The following SSTR2 variants were observed in gnomAD, a reference collection of about 807,000 sequenced individuals.
SSTR2 encodes the protein somatostatin receptor 2.
SSTR2 carries 10 observed loss-of-function variants against 21.4 expected under a neutral mutation model. The observed-to-expected ratio is 0.47, with a 90% CI of 0.29 to 0.79. The LOEUF (loss-of-function observed/expected upper bound fraction) is 0.79. SSTR2 is among the 30% of genes least tolerant of loss of function. SSTR2 has a pLI of 0.10. For missense variants in SSTR2, 364 were observed against 468.8 expected (o/e 0.78, Z 2.06); for synonymous variants, 177 against 181.3 (o/e 0.98, Z 0.19).
Position 73,171,531 on chromosome 17 carries a change from A to G in SSTR2, c.*1102A>G, listed in dbSNP as rs1332354268. The stretch of plus-strand genomic sequence containing the variant: ...TAAAATTGTTTTTATTTTTCAGGCC[A>G]GACATAGCTTCCTAATGAAAGAAAA... On this transcript the variant is annotated 3_prime_UTR_variant, in exon 2 of 2. Transcript: ENST00000357585. 2 of 166,926 alleles carry G rather than the reference A, an allele frequency of 1.2e-5. No individual in the cohort carries two copies. Among genetic ancestry groups the G allele is most frequent in the African/African-American group, 4.8e-5 (2 of 41,454 alleles). 10.3% of individuals were successfully genotyped at this position (166,926 alleles called of 1,614,324 possible).
In SSTR2 at chr17:73,169,947, A is replaced by G. The variant is rs1477838272; in HGVS notation, c.628A>G (p.Ile210Val). Residue 210 changes from isoleucine (I) to valine (V), a missense_variant, in exon 2 of 2, where the codon ATC becomes GTC. Ile to Val is a conservative substitution (Grantham distance 29). Transcript: ENST00000357585. The surrounding 1 kb of genome is among the most constrained non-coding windows in gnomAD (Gnocchi z 5.2). ...ESGAWYTGFI[I>V]YTFILGFLVP... is the part of the protein sequence containing the mutation. ...TGGGGCTTGGTACACAGGGTTCATC[A>G]TCTACACTTTCATTCTGGGGTTCCT... 1 of 1,607,426 alleles carries G rather than the reference A, an allele frequency of 6.2e-7. No homozygotes were observed.
chr17:73,167,644 A>G (rs970021099), intron 1 of SSTR2, among the ~76,000 whole-genome samples: 1 of 152,180 alleles, frequency 6.6e-6, no homozygotes, highest in Non-Finnish European at 1.5e-5. Flanking sequence ...GACCCAGCTC[A>G]AACACTTCTC....
chr17:73,169,807 C>T lies in SSTR2; in HGVS notation c.488C>T (p.Thr163Ile), dbSNP rs1321028422. 6.2e-7 allele frequency: 1 copy of T among 1,614,222 alleles called. No individual in the cohort carries two copies. ...WRRPRTAKMI[T>I]MAVWGVSLLV... ...AGACCCCGGACGGCCAAGATGATCACCATGGCTGTGTGGGGAGTCTCTCTG... is the reference window on the plus strand; with the variant it reads ...AGACCCCGGACGGCCAAGATGATCATCATGGCTGTGTGGGGAGTCTCTCTG... Residue 163 changes from threonine (T) to isoleucine (I), a missense_variant, in exon 2 of 2, where the codon ACC (threonine) becomes ATC (isoleucine). Thr to Ile is a moderately conservative substitution (Grantham distance 89, BLOSUM62 -1). Transcript: ENST00000357585. The surrounding 1 kb of genome is among the most constrained non-coding windows in gnomAD (Gnocchi z 5.2).
Position 73,169,498 on chromosome 17 carries a change from G to A in SSTR2, c.179G>A (p.Gly60Asp). 6.2e-7 allele frequency: 1 copy of A among 1,614,228 alleles called. No homozygotes were observed. Among genetic ancestry groups the A allele is most frequent in the Non-Finnish European group, 8.5e-7 (1 of 1,180,042 alleles). Residue 60 changes from glycine to aspartate, a missense_variant, in exon 2 of 2, where the codon GGC (glycine) becomes GAC (aspartate). By Grantham distance (94) the Gly-to-Asp change is moderately conservative (BLOSUM62 -1). Coordinates refer to ENST00000357585, the MANE Select transcript of SSTR2 (RefSeq NM_001050.3). The surrounding 1 kb of genome is among the most constrained non-coding windows in gnomAD (Gnocchi z 5.2). ...GTGGTCTGCATCATTGGGTTGTGTG[G>A]CAACACACTTGTCATTTATGTCATC... ...YFVVCIIGLC[G>D]NTLVIYVILR...
Position 73,169,429 on chromosome 17 carries a change from A to G in SSTR2, c.110A>G (p.Tyr37Cys). 1 of 1,614,274 alleles carries G rather than the reference A, an allele frequency of 6.2e-7. No homozygotes were observed. Among genetic ancestry groups the G allele is most frequent in the Non-Finnish European group, 8.5e-7 (1 of 1,180,048 alleles). Residue 37 changes from tyrosine (Y) to cysteine (C), a missense_variant, in exon 2 of 2, where the codon TAC becomes TGC. Physicochemically the swap from Tyr to Cys is radical, Grantham distance 194. Transcript: ENST00000357585. This position sits in a 1 kb window ranked among gnomAD's most constrained non-coding sequence, Gnocchi z 5.2. ...AACACCTCAAACCAGACAGAGCCGT[A>G]CTATGACCTGACAAGCAATGCAGTC... ...STNTSNQTEP[Y>C]YDLTSNAVLT...
At chr17:73,168,384 CT>C (rs1453983255) in intron 1 of SSTR2, among the ~76,000 whole-genome samples, 2 of 152,180 alleles carry the variant, frequency 1.3e-5, no homozygotes, top group African/African-American at 4.8e-5. Context: ...GCAGCATCCC[CT>C]TAGGGACTTT....
chr17:73,176,283 G>C lies in SSTR2; in HGVS notation c.*5854G>C, dbSNP rs896004116. 2 of 152,192 alleles carry C rather than the reference G, an allele frequency of 1.3e-5. 1 individual carries two copies. Among genetic ancestry groups the C allele is most frequent in the Middle Eastern group, 6.3e-3 (2 of 316 alleles). 9.4% of individuals were successfully genotyped at this position (152,192 alleles called of 1,614,324 possible). ...ATGGGTATGATTTTTTAACAAGAAAGCTAAATGGTTCTCGTGTAACATAAC... is the reference window on the plus strand; with the variant it reads ...ATGGGTATGATTTTTTAACAAGAAACCTAAATGGTTCTCGTGTAACATAAC... On this transcript the variant is annotated 3_prime_UTR_variant, in exon 2 of 2. Transcript: ENST00000357585.
Position 73,169,842 on chromosome 17 carries a change from T to C in SSTR2, c.523T>C (p.Leu175=), listed in dbSNP as rs759117801. 3 of 1,614,158 alleles carry C rather than the reference T, an allele frequency of 1.9e-6. No individual in the cohort carries two copies. Among genetic ancestry groups the C allele is most frequent in the Non-Finnish European group, 2.5e-6 (3 of 1,180,002 alleles). ...GTGGGGAGTCTCTCTGCTGGTCATCTTGCCCATCATGATATATGCTGGGCT... is the reference window on the plus strand; with the variant it reads ...GTGGGGAGTCTCTCTGCTGGTCATCCTGCCCATCATGATATATGCTGGGCT... ...AVWGVSLLVI[L]PIMIYAGLRS... The change falls in exon 2 of 2, where the codon TTG becomes CTG. Residue 175 remains leucine, a synonymous_variant. Coordinates refer to ENST00000357585, the MANE Select transcript of SSTR2 (RefSeq NM_001050.3). The surrounding 1 kb of genome is among the most constrained non-coding windows in gnomAD (Gnocchi z 5.2).
rs1009701069 is a variant in SSTR2 at position 73,173,461 on chromosome 17, A to G, written c.*3032A>G. The G allele has an allele frequency of 6.6e-6, 1 of 152,248 alleles. No homozygotes were observed. The highest frequency in any genetic ancestry group is 2.4e-5 in the African/African-American group (1 of 41,460). The allele number at this position is 152,248 out of a possible 1,614,324, so 9.4% of individuals were successfully genotyped here. On this transcript the variant is annotated 3_prime_UTR_variant, in exon 2 of 2. Transcript: ENST00000357585. ...AAAGCTATTCTCTACTTTTTGAAGT[A>G]TCTGTTTCAAAGATAACTTGCTCTC...
chr17:73,171,324 A>G lies in SSTR2; in HGVS notation c.*895A>G, dbSNP rs925967883. 1.8e-5 allele frequency: 3 copies of G among 166,484 alleles called. No homozygotes were observed. The highest frequency in any genetic ancestry group is 7.2e-5 in the African/African-American group (3 of 41,454). 10.3% of individuals were successfully genotyped at this position (166,484 alleles called of 1,614,324 possible). ...ATCAAGACAAAGCCAACTTTGTTAT[A>G]AGATTGCATTTTTTTCTTTTCAAAT... On this transcript the variant is annotated 3_prime_UTR_variant, in exon 2 of 2. Coordinates refer to ENST00000357585, the MANE Select transcript of SSTR2 (RefSeq NM_001050.3).
chr17:73,174,697 C>G lies in SSTR2; in HGVS notation c.*4268C>G, dbSNP rs1198214528. ...CTTTGGCCTTGCTAAAGAAGAGTGG[C>G]TGAAGGTCTAGCAAATTAATGCTTG... On this transcript the variant is annotated 3_prime_UTR_variant, in exon 2 of 2. Transcript: ENST00000357585. The G allele has an allele frequency of 6.6e-6, 1 of 152,158 alleles. No individual in the cohort carries two copies. The highest frequency in any genetic ancestry group is 6.6e-5 in the Admixed American group (1 of 15,260). The allele number at this position is 152,158 out of a possible 1,614,324, so 9.4% of individuals were successfully genotyped here. A position where few individuals can be genotyped will look rare whatever the true frequency, so the allele number is the denominator to read the frequency against.
intron 1 of SSTR2, among the ~76,000 whole-genome samples, chr17:73,165,612 G>A (rs2061213619): frequency 6.6e-6 from 1 of 151,938 alleles, no homozygotes; most frequent in Non-Finnish European, 1.5e-5. Context: ...AGGTAGCTGC[G>A]ACGGGTGACA....
Position 73,169,521 on chromosome 17 carries a change from A to T in SSTR2, c.202A>T (p.Ile68Phe). The T allele has an allele frequency of 6.2e-7, 1 of 1,614,258 alleles. No individual in the cohort carries two copies. The highest frequency in any genetic ancestry group is 2.2e-5 in the East Asian group (1 of 44,886). The change falls in exon 2 of 2, where the codon ATC (isoleucine) becomes TTC (phenylalanine). Residue 68 changes from isoleucine (I) to phenylalanine (F), a missense_variant. Ile to Phe is a conservative substitution (Grantham distance 21). Transcript: ENST00000357585. The surrounding 1 kb of genome is among the most constrained non-coding windows in gnomAD (Gnocchi z 5.2). Reference sequence around the variant, plus strand: ...TGGCAACACACTTGTCATTTATGTCATCCTCCGCTATGCCAAGATGAAGAC... The same window carrying T: ...TGGCAACACACTTGTCATTTATGTCTTCCTCCGCTATGCCAAGATGAAGAC... ...LCGNTLVIYV[I>F]LRYAKMKTIT...
Position 73,170,515 on chromosome 17 carries a change from C to A in SSTR2, c.*86C>A, listed in dbSNP as rs372220047. The A allele has an allele frequency of 2.6e-6, 4 of 1,513,482 alleles. No individual in the cohort carries two copies. The African/African-American group carries it at 5.5e-5, about 21-fold the overall frequency. The allele number at this position is 1,513,482 out of a possible 1,614,324, so 93.8% of individuals were successfully genotyped here. A position where few individuals can be genotyped will look rare whatever the true frequency, so the allele number is the denominator to read the frequency against. On this transcript the variant is annotated 3_prime_UTR_variant, in exon 2 of 2. Transcript: ENST00000357585. Reference sequence around the variant, plus strand: ...CCCACACTGGCTTCCTGCCTCCCACCCCTCACACCTGGCTTCTAGAATAGA... The same window carrying A: ...CCCACACTGGCTTCCTGCCTCCCACACCTCACACCTGGCTTCTAGAATAGA...
rs373153420 is a variant in SSTR2 at position 73,169,760 on chromosome 17, C to T, written c.441C>T (p.Pro147=). Residue 147 remains proline (P), a synonymous_variant, in exon 2 of 2, where the codon CCC becomes CCT. Coordinates refer to ENST00000357585, the MANE Select transcript of SSTR2 (RefSeq NM_001050.3). This position sits in a 1 kb window ranked among gnomAD's most constrained non-coding sequence, Gnocchi z 5.2. ...ACCGATACCTGGCTGTGGTCCACCC[C>T]ATCAAGTCGGCCAAGTGGAGGAGAC... ...SIDRYLAVVH[P]IKSAKWRRPR... is the part of the protein sequence containing the mutation. 14 of 1,614,118 alleles carry T rather than the reference C, an allele frequency of 8.7e-6. No individual in the cohort carries two copies. Among genetic ancestry groups the T allele is most frequent in the Non-Finnish European group, 1.2e-5 (14 of 1,180,048 alleles).
In SSTR2 at chr17:73,173,996, G is replaced by T. The variant is rs1218123491; in HGVS notation, c.*3567G>T. 2.6e-5 allele frequency: 4 copies of T among 152,202 alleles called. No homozygotes were observed. Among genetic ancestry groups the T allele is most frequent in the Non-Finnish European group, 5.9e-5 (4 of 68,112 alleles). 9.4% of individuals were successfully genotyped at this position (152,202 alleles called of 1,614,324 possible). On this transcript the variant is annotated 3_prime_UTR_variant, in exon 2 of 2. Coordinates refer to ENST00000357585, the MANE Select transcript of SSTR2 (RefSeq NM_001050.3). ...ATACAAAAATTAGCTGGGTGTGGTG[G>T]CGTGTGCCTGTAATCCCAGCTACTC...
intron 1 of SSTR2, among the ~76,000 whole-genome samples, chr17:73,166,718 A>G (rs906952044): frequency 2.0e-5 from 3 of 152,190 alleles, no homozygotes; most frequent in Non-Finnish European, 4.4e-5. Context: ...TCTTTGTTAA[A>G]TAAGACTCCC....
rs2061237217 is a variant in SSTR2 at position 73,172,008 on chromosome 17, A to C, written c.*1579A>C. On this transcript the variant is annotated 3_prime_UTR_variant, in exon 2 of 2. Coordinates refer to ENST00000357585, the MANE Select transcript of SSTR2 (RefSeq NM_001050.3). ...CCAGAAGACATTGTTCACAAAACAA[A>C]AGCACCCTCACCTGCCAATGAATAT... 1 of 150,558 alleles carries C rather than the reference A, an allele frequency of 6.6e-6. No homozygotes were observed. Among genetic ancestry groups the C allele is most frequent in the African/African-American group, 2.5e-5 (1 of 40,718 alleles). 9.3% of individuals were successfully genotyped at this position (150,558 alleles called of 1,614,324 possible).
Position 73,176,142 on chromosome 17 carries a change from A to G in SSTR2, c.*5713A>G, listed in dbSNP as rs2061248253. On this transcript the variant is annotated 3_prime_UTR_variant, in exon 2 of 2. Transcript: ENST00000357585. ...ACCTGTCAACTCAGCAGGTGCAGCC[A>G]GGGAGCAGCCATGCTTCTTCTGCCC... The G allele has an allele frequency of 6.6e-6, 1 of 152,276 alleles. No homozygotes were observed. The highest frequency in any genetic ancestry group is 1.5e-5 in the Non-Finnish European group (1 of 68,066). The allele number at this position is 152,276 out of a possible 1,614,324, so 9.4% of individuals were successfully genotyped here.
Sources: allele counts gnomAD v4.1 joint callset (sites outside exome capture counted in the v4.1 genomes callset), GRCh38; gene constraint gnomAD v4.1.1; non-coding constraint Gnocchi (gnomAD v3.1); transcripts MANE v1.5; gene names NCBI Gene and HGNC (gene_info 2026-07-23, HGNC 2026-07-21).